Variants in NAV1 observed in about 807,000 individuals in gnomAD.
NAV1 encodes neuron navigator 1, also known as pore membrane and/or filament interacting like protein 3.
A neutral mutation model predicts 175.2 loss-of-function variants in NAV1; 18 were observed. The observed-to-expected ratio is 0.10, with a 90% confidence interval of 0.07 to 0.15. NAV1 has a LOEUF of 0.15. Among genes scored for constraint, NAV1 ranks in the 10% least tolerant of loss-of-function variants. The pLI is 1.00. For synonymous variants in NAV1, 897 were observed against 978.7 expected, an observed-to-expected ratio of 0.92 and a Z score of 1.56; for missense variants, 1,731 against 2,436.6, an observed-to-expected ratio of 0.71 and a Z score of 6.10.
chr1:201,753,872 C>T (rs1018750211), intron 3 of NAV1, among the ~76,000 whole-genome samples: 1 of 152,082 alleles, frequency 6.6e-6, no homozygotes, highest in African/African-American at 2.4e-5. Flanking sequence ...CCAATAAAGT[C>T]CTGATGTGAC....
At chr1:201,794,712 A>G in intron 15 of NAV1, 135 bp downstream of exon 19, 1 of 798,672 alleles carries the variant, frequency 1.3e-6, no homozygotes, top group Non-Finnish European at 2.1e-6. Flanking sequence ...GATACCCTTT[A>G]GTGTGATGTC....
intron 1 of NAV1, among the ~76,000 whole-genome samples, chr1:201,686,148 G>C (rs1670677926): frequency 6.6e-6 from 1 of 152,098 alleles, no homozygotes; most frequent in South Asian, 2.1e-4. Flanking sequence ...CCTTCTAGAT[G>C]GAAGGGAGTC....
chr1:201,733,762 C>T (rs1453983553), intron 3 of NAV1, among the ~76,000 whole-genome samples: 1 of 152,070 alleles, frequency 6.6e-6, no homozygotes, highest in Non-Finnish European at 1.5e-5. Flanking sequence ...CAGGAATCGG[C>T]ATAAGTTCAA....
intron 2 of NAV1, among the ~76,000 whole-genome samples, chr1:201,603,046 C>T (rs1358942097): frequency 1.3e-5 from 2 of 152,218 alleles, no homozygotes; most frequent in Non-Finnish European, 2.9e-5. Flanking sequence ...TGAGTCACTG[C>T]TCTCCTGCCT....
chr1:201,793,911 C>T (rs763602858), intron 14 of NAV1, 36 bp downstream of exon 18: 4 of 1,452,004 alleles, frequency 2.8e-6, no homozygotes, highest in Admixed American at 3.5e-5. Flanking sequence ...GGGGTGGGTG[C>T]GGCGAGGGGG....
chr1:201,802,146 A>AAAAAT (rs1250197654), intron 15 of NAV1, among the ~76,000 whole-genome samples: 6 of 134,496 alleles, frequency 4.5e-5, no homozygotes, highest in African/African-American at 1.5e-4. Context: ...CAAAAAAAAA[A>AAAAAT]AAAAAAAAAT....
At chr1:201,661,154 T>C (rs557500355) in intron 1 of NAV1, among the ~76,000 whole-genome samples, 2 of 152,334 alleles carry the variant, frequency 1.3e-5, no homozygotes, top group Admixed American at 1.3e-4. Context: ...TAGACTCTAC[T>C]GCCTCTTGCA....
At chr1:201,639,515 C>T (rs1448822796) in intron 2 of NAV1, among the ~76,000 whole-genome samples, 2 of 152,184 alleles carry the variant, frequency 1.3e-5, no homozygotes, top group African/African-American at 2.4e-5. Flanking sequence ...TGTGTTCTAG[C>T]CTGGGGGCCG....
intron 2 of NAV1, among the ~76,000 whole-genome samples, chr1:201,607,125 T>TC (rs35491285): frequency 0.14 from 21,542 of 150,316 alleles, 1,597 homozygotes; most frequent in Admixed American, 0.18. Context: ...CTTTTTTTTT[T>TC]TTTTTTTTGA....
intron 2 of NAV1, among the ~76,000 whole-genome samples, chr1:201,615,255 C>A (rs1366297540): frequency 1.5e-5 from 2 of 134,462 alleles, no homozygotes; most frequent in African/African-American, 6.6e-5. Context: ...TTCTTTCTTT[C>A]TTTCTTTCTT....
At chr1:201,550,970 G>A (rs1665835089) in intron 1 of NAV1, among the ~76,000 whole-genome samples, 1 of 152,194 alleles carries the variant, frequency 6.6e-6, no homozygotes, top group Admixed American at 6.5e-5. Flanking sequence ...GGTTCCTCTG[G>A]TCTACTCTAT....
chr1:201,624,470 A>G (rs982311838), intron 1 of NAV1, among the ~76,000 whole-genome samples: 74 of 149,958 alleles, frequency 4.9e-4, no homozygotes, highest in Admixed American at 3.5e-3. Context: ...CAGCCTCCCA[A>G]GTAGCTGGGA....
chr1:201,739,364 C>T (rs1292012677), intron 3 of NAV1: 2 of 152,266 alleles, frequency 1.3e-5, no homozygotes, highest in Non-Finnish European at 2.9e-5. Flanking sequence ...GCACCCCTAT[C>T]GGACCTTCGT....
Position 201,718,151 on chromosome 1 carries a change from A to C in NAV1, c.861-239A>C, listed in dbSNP as rs1672214921. ...ATATTACACAATCTAGGGTCTTAAC[A>C]GTATACAGGATTTCTTCCCTAGCCA... On this transcript the variant is annotated intron_variant, in intron 2 of 29. Coordinates refer to ENST00000367296, the Ensembl canonical transcript of NAV1. This position sits in a 1 kb window ranked among gnomAD's most constrained non-coding sequence, Gnocchi z 4.8. 6.6e-6 allele frequency among the ~76,000 whole-genome samples: 1 copy of C among 152,230 alleles called. No individual in the cohort carries two copies. The highest frequency in any genetic ancestry group is 6.5e-5 in the Admixed American group (1 of 15,286).
At chr1:201,567,914 A>T (rs541366337) in intron 1 of NAV1, among the ~76,000 whole-genome samples, 6 of 152,118 alleles carry the variant, frequency 3.9e-5, no homozygotes, top group African/African-American at 1.4e-4. Flanking sequence ...AACTGACCCA[A>T]TTGAAGATCA....
intron 2 of NAV1, among the ~76,000 whole-genome samples, chr1:201,597,577 G>T (rs367852962): frequency 6.6e-6 from 1 of 151,904 alleles, no homozygotes; most frequent in Non-Finnish European, 1.5e-5. Context: ...GTGCTCCACC[G>T]GGCTGAGGGC....
intron 1 of NAV1, among the ~76,000 whole-genome samples, chr1:201,574,228 C>A (rs1666628742): frequency 6.6e-6 from 1 of 152,184 alleles, no homozygotes; most frequent in Non-Finnish European, 1.5e-5. Flanking sequence ...TAATACACAA[C>A]TTTCTATAAT....
chr1:201,774,755 T>G (rs1675826916), intron 3 of NAV1, among the ~76,000 whole-genome samples: 1 of 152,206 alleles, frequency 6.6e-6, no homozygotes, highest in South Asian at 2.1e-4. Flanking sequence ...AAGAGTCACT[T>G]AGGATATATT....
chr1:201,642,063 CTTTT>C (rs745642450), intron 2 of NAV1, among the ~76,000 whole-genome samples: 1 of 147,284 alleles, frequency 6.8e-6, no homozygotes, highest in Non-Finnish European at 1.5e-5. Context: ...CCTTTTCTTT[CTTTT>C]TTTCCTTCCT....
Sources: gnomAD v4.1 joint callset for allele counts (sites outside exome capture counted in the v4.1 genomes callset) on GRCh38, gnomAD v4.1.1 for gene constraint, Gnocchi (gnomAD v3.1) non-coding constraint, MANE v1.5 for transcripts, NCBI Gene and HGNC (gene_info 2026-07-23, HGNC 2026-07-21) for gene names.